CSNK1G1: variants seen among roughly 807,000 people sequenced by gnomAD.
CSNK1G1 encodes the protein casein kinase I isoform gamma-1.
Under a neutral mutation model 59.6 loss-of-function variants are expected in CSNK1G1, and 22 were observed. The ratio of observed to expected loss-of-function variants is 0.37; its 90% CI spans 0.26 to 0.53. The LOEUF (loss-of-function observed/expected upper bound fraction) is 0.53. Ranked by LOEUF, CSNK1G1 falls within the 20% of genes least tolerant of loss-of-function variation. CSNK1G1 has a pLI of 0.89. For missense variants in CSNK1G1, 384 were observed against 519.5 expected, an observed-to-expected ratio of 0.74 and a Z score of 2.54; for synonymous variants, 179 against 177.1, an observed-to-expected ratio of 1.01 and a Z score of -0.08.
At chr15:64,350,556 G>A (rs527826510) in intron 1 of CSNK1G1, among the ~76,000 whole-genome samples, 1 of 151,994 alleles carries the variant, frequency 6.6e-6, no homozygotes, top group South Asian at 2.1e-4. Context: ...GATGCATGAA[G>A]TTACCATTCA....
chr15:64,192,474 C>T (rs2081984684), intron 10 of CSNK1G1, among the ~76,000 whole-genome samples: 1 of 152,258 alleles, frequency 6.6e-6, no homozygotes, highest in South Asian at 2.1e-4. Flanking sequence ...AACAAAAATA[C>T]TTGAGAAAAC....
intron 10 of CSNK1G1, among the ~76,000 whole-genome samples, chr15:64,195,602 C>A (rs930639349): frequency 6.6e-6 from 1 of 152,188 alleles, no homozygotes; most frequent in African/African-American, 2.4e-5. Flanking sequence ...ACTCTAATAT[C>A]AGATCTGTGG....
At chr15:64,351,870 A>G (rs1337415203) in intron 1 of CSNK1G1, among the ~76,000 whole-genome samples, 4 of 152,196 alleles carry the variant, frequency 2.6e-5, no homozygotes, top group African/African-American at 9.6e-5. Context: ...CTCCGTCTCA[A>G]AAACAAAAAA....
chr15:64,245,848 T>C (rs1891722971), intron 4 of CSNK1G1, among the ~76,000 whole-genome samples: 2 of 151,920 alleles, frequency 1.3e-5, no homozygotes, highest in Admixed American at 1.3e-4. Flanking sequence ...TGAAATAAGG[T>C]AGGCAGGGAA....
intron 10 of CSNK1G1, among the ~76,000 whole-genome samples, chr15:64,189,679 A>G (rs1048152069): frequency 1.3e-5 from 2 of 152,216 alleles, no homozygotes; most frequent in African/African-American, 2.4e-5. Context: ...AGGGCAAGGA[A>G]GTAATGGTTT....
intron 6 of CSNK1G1, among the ~76,000 whole-genome samples, chr15:64,209,033 T>C (rs190080357): frequency 6.6e-6 from 1 of 152,146 alleles, no homozygotes; most frequent in East Asian, 1.9e-4. Context: ...ACTACAGGCA[T>C]GCACCACCAT....
intron 7 of CSNK1G1, among the ~76,000 whole-genome samples, chr15:64,205,961 T>C (rs1342801515): frequency 6.6e-6 from 1 of 152,174 alleles, no homozygotes; most frequent in Non-Finnish European, 1.5e-5. Flanking sequence ...TACCCCAAAC[T>C]ACTGATTAAG....
chr15:64,262,998 G>A (rs1596180516), intron 2 of CSNK1G1, among the ~76,000 whole-genome samples: 1 of 142,588 alleles, frequency 7.0e-6, no homozygotes, highest in African/African-American at 2.6e-5. Flanking sequence ...AGAATAGCTT[G>A]AACCCAGGAG....
intron 9 of CSNK1G1, among the ~76,000 whole-genome samples, chr15:64,203,810 C>T (rs2082141459): frequency 6.6e-6 from 1 of 151,038 alleles, no homozygotes; most frequent in Non-Finnish European, 1.5e-5. Flanking sequence ...TCCACTGCTA[C>T]AAAGGTCAAG....
In CSNK1G1 at chr15:64,287,450, G is replaced by A. The variant is rs965758972; in HGVS notation, c.181+12869C>T. Reference sequence around the variant, plus strand: ...TTGTCAAATCTAAAATTGTACAGTAGAACTGGTTTGTGAACCATGGTTAGG... The same window carrying A: ...TTGTCAAATCTAAAATTGTACAGTAAAACTGGTTTGTGAACCATGGTTAGG... On this transcript the variant is annotated intron_variant, in intron 2 of 11. Transcript: ENST00000303052. 3.9e-5 allele frequency among the ~76,000 whole-genome samples: 6 copies of A among 152,054 alleles called. No homozygotes were observed. In the East Asian group the frequency reaches 1.2e-3, roughly 29 times the overall value.
intron 1 of CSNK1G1, among the ~76,000 whole-genome samples, chr15:64,351,618 C>T (rs1222730200): frequency 6.6e-6 from 1 of 152,224 alleles, no homozygotes; most frequent in Non-Finnish European, 1.5e-5. Flanking sequence ...GTGGCTCACG[C>T]CTGTAGTCCC....
intron 4 of CSNK1G1, among the ~76,000 whole-genome samples, chr15:64,236,501 T>G (rs2082618959): frequency 6.6e-6 from 1 of 152,278 alleles, no homozygotes; most frequent in Admixed American, 6.5e-5. Context: ...ATAGACATTT[T>G]TCAAAAGAAG....
chr15:64,225,013 T>TC, intron 4 of CSNK1G1, among the ~76,000 whole-genome samples: 1 of 150,152 alleles, frequency 6.7e-6, no homozygotes, highest in East Asian at 1.9e-4. Context: ...TTTCTTTTTT[T>TC]TTTTTTTTTT....
intron 4 of CSNK1G1, among the ~76,000 whole-genome samples, chr15:64,244,650 AG>A (rs1198703411): frequency 6.6e-6 from 1 of 152,152 alleles, no homozygotes; most frequent in Non-Finnish European, 1.5e-5. Context: ...TGGGAGGCTG[AG>A]GCAGGTGGAT....
intron 1 of CSNK1G1, among the ~76,000 whole-genome samples, chr15:64,310,269 A>T (rs980620676): frequency 1.3e-5 from 2 of 152,102 alleles, no homozygotes; most frequent in Non-Finnish European, 2.9e-5. Flanking sequence ...GAGGTAGAAA[A>T]TCAAGGCTAG....
Position 64,216,481 on chromosome 15 carries a change from G to T in CSNK1G1, c.444+81C>A. 7.3e-7 allele frequency: 1 copy of T among 1,372,760 alleles called. No individual in the cohort carries two copies. The highest frequency in any genetic ancestry group is 1.0e-6 in the Non-Finnish European group (1 of 979,706). 85.0% of individuals were successfully genotyped at this position (1,372,760 alleles called of 1,614,324 possible). On this transcript the variant is annotated intron_variant, in intron 5 of 11. Coordinates refer to ENST00000303052, the MANE Select transcript of CSNK1G1 (RefSeq NM_022048.5). This position sits in a 1 kb window ranked among gnomAD's most constrained non-coding sequence, Gnocchi z 4.6. The stretch of plus-strand genomic sequence containing the variant: ...TACTAATTCTTGATGTGTTGCTACG[G>T]CTAGTAAATCACCAAAAGGCCCACA...
At position 64,165,876 on chromosome 15, in the gene CSNK1G1, C is replaced by A; in HGVS notation, c.*6055G>T. The A allele has an allele frequency of 2.1e-6, 1 of 476,924 alleles. No individual in the cohort carries two copies. Among genetic ancestry groups the A allele is most frequent in the Non-Finnish European group, 3.7e-6 (1 of 270,384 alleles). The allele number at this position is 476,924 out of a possible 1,614,324, so 29.5% of individuals were successfully genotyped here. On this transcript the variant is annotated 3_prime_UTR_variant, in exon 12 of 12. Transcript: ENST00000303052. ...CCTAGGAAATGGGCTACTCTGAGATCACATATCAGAACCCATTTTCCATTT... is the reference window on the plus strand; with the variant it reads ...CCTAGGAAATGGGCTACTCTGAGATAACATATCAGAACCCATTTTCCATTT...
At chr15:64,275,689 G>A (rs1893571084) in intron 2 of CSNK1G1, among the ~76,000 whole-genome samples, 1 of 151,916 alleles carries the variant, frequency 6.6e-6, no homozygotes, top group Non-Finnish European at 1.5e-5. Context: ...ATCCATTAGT[G>A]GGATATAAAG....
At chr15:64,240,456 A>AT (rs2082679063) in intron 4 of CSNK1G1, among the ~76,000 whole-genome samples, 1 of 152,174 alleles carries the variant, frequency 6.6e-6, no homozygotes, top group South Asian at 2.1e-4. Context: ...AGGTTCCCAA[A>AT]TATATTTAAC....
Sources: allele counts gnomAD v4.1 joint callset (sites outside exome capture counted in the v4.1 genomes callset), GRCh38; gene constraint gnomAD v4.1.1; non-coding constraint Gnocchi (gnomAD v3.1); transcripts MANE v1.5; gene names NCBI Gene and HGNC (gene_info 2026-07-23, HGNC 2026-07-21).